Variants in SLC4A4 observed in about 807,000 individuals in gnomAD.
SLC4A4 encodes solute carrier family 4 member 4, also known as electrogenic sodium bicarbonate cotransporter 1.
A neutral mutation model predicts 111.5 loss-of-function variants in SLC4A4; 27 were observed. The observed-to-expected ratio is 0.24, with a 90% CI of 0.18 to 0.33. The LOEUF is 0.33. Ranked by LOEUF, SLC4A4 falls within the 10% of genes least tolerant of loss-of-function variation. The pLI, the probability that SLC4A4 is intolerant of heterozygous loss-of-function variation, is 1.00. For missense variants in SLC4A4, 909 were observed against 1,315.5 expected, an observed-to-expected ratio of 0.69 and a Z score of 4.78; for synonymous variants, 443 against 463.4, an observed-to-expected ratio of 0.96 and a Z score of 0.57.
At chr4:71,304,529 C>G (rs1408936417) in intron 3 of SLC4A4, among the ~76,000 whole-genome samples, 1 of 152,228 alleles carries the variant, frequency 6.6e-6, no homozygotes, top group Non-Finnish European at 1.5e-5. Flanking sequence ...TCTACTGATT[C>G]AAATGCTGAT....
chr4:71,396,690 T>C (rs1719846724), intron 6 of SLC4A4, among the ~76,000 whole-genome samples: 1 of 152,136 alleles, frequency 6.6e-6, no homozygotes, highest in Non-Finnish European at 1.5e-5. Context: ...AGAATGAAAG[T>C]TCAGTATTCT....
intron 3 of SLC4A4, among the ~76,000 whole-genome samples, chr4:71,277,604 CTCCTTCCT>C (rs111421338): frequency 1.5e-4 from 21 of 143,354 alleles, no homozygotes; most frequent in South Asian, 4.8e-4. Context: ...TTCTCTCTCT[CTCCTTCCT>C]TCCTTCCTTC....
chr4:71,511,016 A>G (rs1024790834), intron 16 of SLC4A4, among the ~76,000 whole-genome samples: 5 of 152,108 alleles, frequency 3.3e-5, no homozygotes, highest in Non-Finnish European at 7.4e-5. Context: ...ATCTCCCCCA[A>G]TAATTTTTTT....
intron 2 of SLC4A4, among the ~76,000 whole-genome samples, chr4:71,136,154 T>G (rs1353928227): frequency 6.6e-6 from 1 of 152,160 alleles, no homozygotes; most frequent in African/African-American, 2.4e-5. Context: ...CAAACCCTGT[T>G]TTAATACTTC....
At chr4:71,133,352 T>C (rs576715027) in intron 2 of SLC4A4, among the ~76,000 whole-genome samples, 1 of 152,344 alleles carries the variant, frequency 6.6e-6, no homozygotes, top group East Asian at 1.9e-4. Flanking sequence ...CTTATGATTA[T>C]CTAATTTGGC....
At chr4:71,261,252 T>G (rs536459137) in intron 3 of SLC4A4, among the ~76,000 whole-genome samples, 3 of 152,336 alleles carry the variant, frequency 2.0e-5, no homozygotes, top group African/African-American at 7.2e-5. Context: ...CTCTTTTTTG[T>G]GGAATACTGC....
In SLC4A4 at chr4:71,280,977, C is replaced by T. The variant is rs1276385238; in HGVS notation, c.253+25578C>T. ...ACTTTTTTTTAGATAATGTCTGCTA[C>T]AGGAAGTGGTCACTGCAAAGAAATA... On this transcript the variant is annotated intron_variant, in intron 3 of 25. Transcript: ENST00000264485. Among the ~76,000 whole-genome samples, 6 of 152,172 alleles carry T rather than the reference C, an allele frequency of 3.9e-5. No homozygotes were observed. The East Asian group carries it at 9.6e-4, about 24-fold the overall frequency.
At chr4:71,068,720 C>T (rs1432143468) in intron 1 of SLC4A4, among the ~76,000 whole-genome samples, 1 of 152,020 alleles carries the variant, frequency 6.6e-6, no homozygotes, top group East Asian at 1.9e-4. Flanking sequence ...CGCCACCACA[C>T]CCAGCTAATT....
chr4:71,167,830 T>C lies in SLC4A4; in HGVS notation c.-1-68746T>C, dbSNP rs529653203. Among the ~76,000 whole-genome samples, 8 of 152,306 alleles carry C rather than the reference T, an allele frequency of 5.3e-5. No individual in the cohort carries two copies. In the East Asian group the frequency reaches 1.5e-3, roughly 29 times the overall value. On this transcript the variant is annotated intron_variant, in intron 2 of 26. Coordinates refer to the SLC4A4 transcript ENST00000649996. ...CTTTGATTTTTCTTGTTCTTTCAAC[T>C]CTTACATCTAATGTGTCAACAAGTT...
intron 1 of SLC4A4, among the ~76,000 whole-genome samples, chr4:71,075,000 A>C (rs1032993281): frequency 1.3e-5 from 2 of 152,202 alleles, no homozygotes; most frequent in African/African-American, 4.8e-5. Flanking sequence ...CCTGGAGGAC[A>C]TATAACAAGG....
At chr4:71,211,132 C>T (rs1381324062) in intron 1 of SLC4A4, among the ~76,000 whole-genome samples, 1 of 152,124 alleles carries the variant, frequency 6.6e-6, no homozygotes, top group African/African-American at 2.4e-5. Flanking sequence ...GACAGGGTGA[C>T]TGCATATACT....
intron 24 of SLC4A4, among the ~76,000 whole-genome samples, chr4:71,566,007 T>A (rs562468071): frequency 2.3e-4 from 35 of 151,934 alleles, no homozygotes; most frequent in African/African-American, 7.5e-4. Context: ...ATTCTGGTGG[T>A]TATGCAGCCC....
chr4:71,263,347 A>C (rs6847284), intron 3 of SLC4A4, among the ~76,000 whole-genome samples: 134,501 of 152,154 alleles, frequency 0.88, 61,266 homozygotes, highest in Non-Finnish European at 0.99. Context: ...ATACTTAGAT[A>C]TGTAATGCTT....
chr4:71,115,286 T>C (rs1743214677), intron 2 of SLC4A4, among the ~76,000 whole-genome samples: 1 of 151,444 alleles, frequency 6.6e-6, no homozygotes, highest in African/African-American at 2.4e-5. Context: ...TGTATACATA[T>C]GTAACTAACC....
At chr4:71,178,924 T>A (rs1745190141) in intron 2 of SLC4A4, among the ~76,000 whole-genome samples, 1 of 152,146 alleles carries the variant, frequency 6.6e-6, no homozygotes, top group East Asian at 1.9e-4. Context: ...TAGACCAATA[T>A]CCCTGATGAA....
At chr4:71,181,305 T>C (rs971981245) in intron 2 of SLC4A4, among the ~76,000 whole-genome samples, 1 of 152,106 alleles carries the variant, frequency 6.6e-6, no homozygotes, top group East Asian at 1.9e-4. Context: ...ACATGGCACA[T>C]GTATACAGAT....
chr4:71,273,815 G>A (rs995095321), intron 3 of SLC4A4, among the ~76,000 whole-genome samples: 1 of 152,022 alleles, frequency 6.6e-6, no homozygotes, highest in Non-Finnish European at 1.5e-5. Flanking sequence ...TCAGATGCAT[G>A]CCCTTGAACC....
chr4:71,482,595 CA>C (rs1418144663), intron 14 of SLC4A4, among the ~76,000 whole-genome samples: 1 of 151,528 alleles, frequency 6.6e-6, no homozygotes, highest in Non-Finnish European at 1.5e-5. Flanking sequence ...AAGTGTGTTG[CA>C]AAAAGACCTT....
chr4:71,381,958 G>A (rs143964279), intron 6 of SLC4A4, among the ~76,000 whole-genome samples: 3 of 152,272 alleles, frequency 2.0e-5, no homozygotes, highest in Admixed American at 6.5e-5. Flanking sequence ...CGTAGAGACC[G>A]TCGAGGAGGT....
Sources: allele counts gnomAD v4.1 joint callset (sites outside exome capture counted in the v4.1 genomes callset), GRCh38; gene constraint gnomAD v4.1.1; transcripts MANE v1.5; gene names NCBI Gene and HGNC (gene_info 2026-07-23, HGNC 2026-07-21).